The following VPS13D variants were observed in gnomAD, a reference collection of about 807,000 sequenced individuals.
VPS13D encodes intermembrane lipid transfer protein VPS13D.
A neutral mutation model predicts 461.9 loss-of-function variants in VPS13D; 187 were observed. That is an observed-to-expected ratio of 0.40 (90% confidence interval 0.36 to 0.46). The LOEUF is 0.46. Among genes scored for constraint, VPS13D ranks in the 20% least tolerant of loss-of-function variants. VPS13D has a pLI of 0.60. For missense variants in VPS13D, 4,711 were observed against 5,364.9 expected, an observed-to-expected ratio of 0.88 and a Z score of 3.81; for synonymous variants, 1,951 against 1,986.3, an observed-to-expected ratio of 0.98 and a Z score of 0.47.
chr1:12,254,919 C>G (rs1056164156), intron 7 of VPS13D, among the ~76,000 whole-genome samples: 1 of 151,510 alleles, frequency 6.6e-6, no homozygotes, highest in Non-Finnish European at 1.5e-5. Flanking sequence ...TTATCTTTCA[C>G]TTGGATACTA....
In VPS13D at chr1:12,308,326, A is replaced by G. The variant is rs2101485360; in HGVS notation, c.6440-105A>G. On this transcript the variant is annotated intron_variant, in intron 26 of 69. Transcript: ENST00000620676. Reference sequence around the variant, plus strand: ...CAGTGTGGGGAAGCAGGCAGCTGTAAACATTTTCAAAGACAGAATGAGCTT... The same window carrying G: ...CAGTGTGGGGAAGCAGGCAGCTGTAGACATTTTCAAAGACAGAATGAGCTT... 5 of 1,240,750 alleles carry G rather than the reference A, an allele frequency of 4.0e-6. No individual in the cohort carries two copies. The East Asian group carries it at 1.2e-4, about 30-fold the overall frequency. 76.9% of individuals were successfully genotyped at this position (1,240,750 alleles called of 1,614,324 possible). A position where few individuals can be genotyped will look rare whatever the true frequency, so the allele number is the denominator to read the frequency against.
intron 14 of VPS13D, among the ~76,000 whole-genome samples, chr1:12,267,528 G>A (rs1255834473): frequency 6.6e-6 from 1 of 152,136 alleles, no homozygotes; most frequent in Non-Finnish European, 1.5e-5. Flanking sequence ...TTTGGTTGGG[G>A]GAACGTTATG....
chr1:12,404,176 A>C (rs1295418105), intron 63 of VPS13D, among the ~76,000 whole-genome samples: 2 of 151,994 alleles, frequency 1.3e-5, no homozygotes, highest in Non-Finnish European at 2.9e-5. Flanking sequence ...TAAAAAAAAA[A>C]AAAAAACGAA....
intron 23 of VPS13D, among the ~76,000 whole-genome samples, chr1:12,292,695 T>C (rs1157559598): frequency 6.6e-6 from 1 of 152,118 alleles, no homozygotes; most frequent in African/African-American, 2.4e-5. Context: ...GGCCTCGGCC[T>C]CCCAAAGTGT....
intron 31 of VPS13D, 96 bp downstream of exon 31, chr1:12,318,433 C>T: frequency 2.1e-6 from 3 of 1,447,954 alleles, no homozygotes; most frequent in Non-Finnish European, 2.8e-6. Flanking sequence ...TCCCATTTTT[C>T]ACGTGAGCAC....
chr1:12,384,726 C>G (rs1295967201), intron 58 of VPS13D, among the ~76,000 whole-genome samples: 1 of 152,016 alleles, frequency 6.6e-6, no homozygotes, highest in East Asian at 1.9e-4. Flanking sequence ...CTCAGGTGAT[C>G]CTCCCACCTC....
Position 12,495,343 on chromosome 1 carries a change from G to A in VPS13D, c.12663-2157G>A, listed in dbSNP as rs546729428. On this transcript the variant is annotated intron_variant, in intron 67 of 69. Transcript: ENST00000620676. The surrounding 1 kb of genome is among the most constrained non-coding windows in gnomAD (Gnocchi z 4.0). ...CAGCTAATTTTTTGTATTTTTAGTA[G>A]TATTTTTAGTTTCACCGTGTTAGCC... Among the ~76,000 whole-genome samples, 98 of 151,996 alleles carry A rather than the reference G, an allele frequency of 6.4e-4. No homozygotes were observed. Among genetic ancestry groups the A allele is most frequent in the Admixed American group, 2.2e-3 (34 of 15,250 alleles).
intron 27 of VPS13D, among the ~76,000 whole-genome samples, chr1:12,309,034 T>C (rs188873501): frequency 2.6e-5 from 4 of 152,300 alleles, no homozygotes; most frequent in Admixed American, 2.6e-4. Context: ...GAACTAGTTA[T>C]TCACTTATTT....
In VPS13D at chr1:12,311,815, T is replaced by A. The variant is rs753303332; in HGVS notation, c.6825T>A (p.Thr2275=). Residue 2275 remains threonine, a splice_region_variant and synonymous_variant, in exon 29 of 70, where the codon ACT becomes ACA. Transcript: ENST00000620676. Reference sequence around the variant, plus strand: ...TGACGAGCATTTTCCTTTTGTAGACTGTCCTGAGTGGAGAAGTGTACACCT... The same window carrying A: ...TGACGAGCATTTTCCTTTTGTAGACAGTCCTGAGTGGAGAAGTGTACACCT... ...PYDLQDPRIH[T]VLSGEVYTCM... The A allele has an allele frequency of 6.2e-7, 1 of 1,613,152 alleles. No homozygotes were observed. The highest frequency in any genetic ancestry group is 8.5e-7 in the Non-Finnish European group (1 of 1,179,522).
At chr1:12,486,263 C>T (rs1016957567) in intron 67 of VPS13D, among the ~76,000 whole-genome samples, 4 of 152,182 alleles carry the variant, frequency 2.6e-5, no homozygotes, top group African/African-American at 4.8e-5. Flanking sequence ...ATGAAAAGCA[C>T]CAGCTGGTCG....
chr1:12,271,145 A>C (rs993282537), intron 17 of VPS13D, 21 bp downstream of exon 17: 1 of 1,612,932 alleles, frequency 6.2e-7, no homozygotes, highest in African/African-American at 1.3e-5. Context: ...ATCCATAAAC[A>C]CTCTTTGGGG....
At chr1:12,445,661 A>C (rs1645183365) in intron 65 of VPS13D, among the ~76,000 whole-genome samples, 1 of 152,218 alleles carries the variant, frequency 6.6e-6, no homozygotes, top group Admixed American at 6.5e-5. Flanking sequence ...GAAGTAGCTA[A>C]GCTGCAAGTT....
chr1:12,373,276 A>G (rs1644150753), intron 54 of VPS13D, among the ~76,000 whole-genome samples: 1 of 151,502 alleles, frequency 6.6e-6, no homozygotes, highest in African/African-American at 2.4e-5. Context: ...GCCTGCCTCC[A>G]TGCCCGGCTA....
At chr1:12,396,190 G>A (rs985658189) in intron 60 of VPS13D, among the ~76,000 whole-genome samples, 18 of 151,712 alleles carry the variant, frequency 1.2e-4, no homozygotes, top group African/African-American at 3.9e-4. Flanking sequence ...AATTCCTTCT[G>A]GCTGCTGGAG....
intron 60 of VPS13D, among the ~76,000 whole-genome samples, chr1:12,397,468 AAGG>A (rs1452255570): frequency 6.6e-6 from 1 of 152,246 alleles, no homozygotes; most frequent in Non-Finnish European, 1.5e-5. Flanking sequence ...TGAAAGAACA[AAGG>A]AGAAGACAAT....
Position 12,387,175 on chromosome 1 carries a change from A to G in VPS13D, c.11634+841A>G, listed in dbSNP as rs998142459. Among the ~76,000 whole-genome samples the G allele has an allele frequency of 3.9e-5, 6 of 152,336 alleles. No individual in the cohort carries two copies. In the East Asian group the frequency reaches 1.2e-3, roughly 29 times the overall value. On this transcript the variant is annotated intron_variant, in intron 60 of 69. Transcript: ENST00000620676. ...GCTGGACTGGAAAAACTAAGAATTT[A>G]TGAGACGTTGGGAAGAGTCTCAGGA...
At chr1:12,287,991 A>G (rs536907048) in intron 21 of VPS13D, among the ~76,000 whole-genome samples, 1 of 152,358 alleles carries the variant, frequency 6.6e-6, no homozygotes, top group African/African-American at 2.4e-5. Flanking sequence ...AGACAAGGCA[A>G]GCATAGAGAA....
Position 12,499,845 on chromosome 1 carries a change from C to T in VPS13D, c.12794+2214C>T, listed in dbSNP as rs527842419. On this transcript the variant is annotated intron_variant, in intron 68 of 69. Coordinates refer to ENST00000620676, the MANE Select transcript of VPS13D (RefSeq NM_015378.4). ...TCTTCGCGGTGGAGTGAACATTACA[C>T]TCATCACTCTGCAAGAAAGGAGTTT... The T allele has an allele frequency of 4.6e-5, 45 of 985,404 alleles. No homozygotes were observed. In the East Asian group the frequency reaches 3.5e-3, roughly 77 times the overall value. The allele number at this position is 985,404 out of a possible 1,614,324, so 61.0% of individuals were successfully genotyped here.
At chr1:12,231,094 TCAG>T (rs1639959198) in intron 1 of VPS13D, among the ~76,000 whole-genome samples, 1 of 152,162 alleles carries the variant, frequency 6.6e-6, no homozygotes, top group African/African-American at 2.4e-5. Flanking sequence ...TGGCCGCTCC[TCAG>T]GGGAGGGGCC....
Sources: gnomAD v4.1 joint callset for allele counts (sites outside exome capture counted in the v4.1 genomes callset) on GRCh38, gnomAD v4.1.1 for gene constraint, Gnocchi (gnomAD v3.1) non-coding constraint, MANE v1.5 for transcripts, NCBI Gene and HGNC (gene_info 2026-07-23, HGNC 2026-07-21) for gene names.